The following PRKG1 variants were observed in gnomAD, a reference collection of about 807,000 sequenced individuals.
PRKG1 encodes cGMP-dependent protein kinase 1.
A neutral mutation model predicts 88.1 loss-of-function variants in PRKG1; 35 were observed. The ratio of observed to expected loss-of-function variants is 0.40; its 90% CI spans 0.30 to 0.53. PRKG1 has a LOEUF of 0.53. Ranked by LOEUF, PRKG1 falls within the 20% of genes least tolerant of loss-of-function variation. The probability of loss-of-function intolerance (pLI) is 0.59; values close to 1 mark genes in which losing one functional copy is unlikely to be tolerated. For missense variants in PRKG1, 540 were observed against 839.8 expected, an observed-to-expected ratio of 0.64 and a Z score of 4.41; for synonymous variants, 303 against 292.5, an observed-to-expected ratio of 1.04 and a Z score of -0.37.
intron 3 of PRKG1, among the ~76,000 whole-genome samples, chr10:51,475,226 T>C (rs1189100074): frequency 6.6e-6 from 1 of 152,018 alleles, no homozygotes; most frequent in Non-Finnish European, 1.5e-5. Flanking sequence ...ACCTAATGTA[T>C]GAACTCTTGG....
At chr10:51,645,662 A>G in intron 3 of PRKG1, among the ~76,000 whole-genome samples, 1 of 152,230 alleles carries the variant, frequency 6.6e-6, no homozygotes, top group Non-Finnish European at 1.5e-5. Context: ...AAAAAGTACC[A>G]GTTAATAAGC....
chr10:51,207,447 A>C (rs543763919), intron 2 of PRKG1, among the ~76,000 whole-genome samples: 1 of 152,284 alleles, frequency 6.6e-6, no homozygotes, highest in East Asian at 1.9e-4. Context: ...ACTGTCTCTC[A>C]AGACATGCTT....
At chr10:52,161,859 A>T (rs754481806) in intron 8 of PRKG1, 30 bp from the exon 9 acceptor site, 10 of 1,601,034 alleles carry the variant, frequency 6.2e-6, no homozygotes, top group Non-Finnish European at 7.7e-6. Flanking sequence ...TTTGTAGAAG[A>T]TTAATCACTG....
chr10:51,447,292 C>A (rs1226544258), intron 2 of PRKG1, among the ~76,000 whole-genome samples: 1 of 151,962 alleles, frequency 6.6e-6, no homozygotes, highest in Non-Finnish European at 1.5e-5. Context: ...ACATCACTCT[C>A]AGCCCCACCC....
At chr10:52,140,488 GCA>G (rs1226739159) in intron 8 of PRKG1, among the ~76,000 whole-genome samples, 3 of 151,956 alleles carry the variant, frequency 2.0e-5, no homozygotes, top group South Asian at 2.1e-4. Context: ...CACTCCCCAT[GCA>G]CACACCTCTT....
At chr10:51,766,898 CT>C (rs1337668885) in intron 3 of PRKG1, among the ~76,000 whole-genome samples, 2 of 152,112 alleles carry the variant, frequency 1.3e-5, no homozygotes, top group Admixed American at 1.3e-4. Flanking sequence ...GTTTTGAGGA[CT>C]GACACCCTTT....
At chr10:51,282,287 T>G (rs1467132563) in intron 2 of PRKG1, among the ~76,000 whole-genome samples, 2 of 152,210 alleles carry the variant, frequency 1.3e-5, no homozygotes, top group Non-Finnish European at 2.9e-5. Context: ...CCATTGAGCC[T>G]GAAATTCTGT....
rs184542876 is a variant in PRKG1 at position 51,482,550 on chromosome 10, A to G, written c.592+14714A>G. On this transcript the variant is annotated intron_variant, in intron 3 of 17. Transcript: ENST00000373980. The stretch of plus-strand genomic sequence containing the variant: ...CCCTTGAAGGGTAACAATGGCTTCT[A>G]GTCTTTTCCCCCTTACATCTACCCT... 2.6e-5 allele frequency among the ~76,000 whole-genome samples: 4 copies of G among 152,236 alleles called. No individual in the cohort carries two copies. In the East Asian group the frequency reaches 7.7e-4, roughly 29 times the overall value.
At chr10:51,503,339 C>T (rs1270632461) in intron 3 of PRKG1, among the ~76,000 whole-genome samples, 1 of 152,092 alleles carries the variant, frequency 6.6e-6, no homozygotes, top group Non-Finnish European at 1.5e-5. Flanking sequence ...TCCCCTGTAG[C>T]CCACATATCT....
intron 10 of PRKG1, among the ~76,000 whole-genome samples, chr10:52,263,689 C>T (rs1490008816): frequency 6.6e-6 from 1 of 151,878 alleles, no homozygotes; most frequent in Non-Finnish European, 1.5e-5. Flanking sequence ...AATCTCCCAC[C>T]TCATCCTCCC....
At chr10:52,062,154 C>A (rs1317117801) in intron 6 of PRKG1, among the ~76,000 whole-genome samples, 1 of 151,964 alleles carries the variant, frequency 6.6e-6, no homozygotes, top group Non-Finnish European at 1.5e-5. Flanking sequence ...AGGAATACTA[C>A]CTATGTTATT....
At chr10:51,074,963 T>C in intron 1 of PRKG1, 62 bp downstream of exon 1, 3 of 1,488,022 alleles carry the variant, frequency 2.0e-6, no homozygotes, top group Non-Finnish European at 2.7e-6. Context: ...TGCGGGTCTC[T>C]GTATTGTCTG....
chr10:51,378,536 AG>A (rs1242756769), intron 2 of PRKG1, among the ~76,000 whole-genome samples: 1 of 152,212 alleles, frequency 6.6e-6, no homozygotes, highest in Non-Finnish European at 1.5e-5. Flanking sequence ...TGTAATTAAT[AG>A]AAGAGGAGAC....
chr10:51,206,631 G>A (rs768979212), intron 2 of PRKG1, among the ~76,000 whole-genome samples: 7 of 152,272 alleles, frequency 4.6e-5, no homozygotes, highest in Non-Finnish European at 7.3e-5. Context: ...GGAAACTAGA[G>A]GCCAGCATAG....
At chr10:52,293,145 T>G (rs1391963334) in intron 17 of PRKG1, among the ~76,000 whole-genome samples, 1 of 149,314 alleles carries the variant, frequency 6.7e-6, no homozygotes, top group Non-Finnish European at 1.5e-5. Context: ...AAATCATGAG[T>G]GAACTCCCAT....
chr10:51,849,539 T>C (rs1840491021), intron 4 of PRKG1, among the ~76,000 whole-genome samples: 1 of 152,188 alleles, frequency 6.6e-6, no homozygotes, highest in Non-Finnish European at 1.5e-5. Context: ...TGCACTTTTT[T>C]TCTGGAGTTA....
At chr10:52,260,414 C>T (rs1841406615) in intron 10 of PRKG1, among the ~76,000 whole-genome samples, 1 of 152,044 alleles carries the variant, frequency 6.6e-6, no homozygotes, top group African/African-American at 2.4e-5. Flanking sequence ...GTTAATTGGG[C>T]CACATGTCAG....
chr10:52,050,181 C>T (rs75614672), intron 5 of PRKG1, among the ~76,000 whole-genome samples: 2,617 of 152,004 alleles, frequency 0.017, 71 homozygotes, highest in African/African-American at 0.06. Context: ...GTGCTCAGGC[C>T]TGGTGGTGGC....
intron 3 of PRKG1, among the ~76,000 whole-genome samples, chr10:51,725,101 T>C (rs546930880): frequency 7.2e-5 from 11 of 152,278 alleles, no homozygotes; most frequent in African/African-American, 2.4e-4. Context: ...TGAATTACAA[T>C]TGAATCCCCA....
Sources: gnomAD v4.1 joint callset for allele counts (sites outside exome capture counted in the v4.1 genomes callset) on GRCh38, gnomAD v4.1.1 for gene constraint, MANE v1.5 for transcripts, NCBI Gene and HGNC (gene_info 2026-07-23, HGNC 2026-07-21) for gene names.